Variants in MEI4 observed in about 807,000 individuals in gnomAD.
The protein encoded by MEI4 is meiotic double-stranded break formation protein 4, also known as meiosis-specific protein MEI4.
Under a neutral mutation model 31.4 loss-of-function variants are expected in MEI4, and 27 were observed. The observed-to-expected ratio is 0.86, with a 90% confidence interval of 0.63 to 1.19. The LOEUF is 1.19. MEI4 is among the 50% of genes most tolerant of loss of function. MEI4 has a pLI of 0.00. For missense variants in MEI4, 329 were observed against 398.9 expected (o/e 0.82, Z 1.49); for synonymous variants, 122 against 145.4 (o/e 0.84, Z 1.16).
chr6:77,829,257 C>G (rs1770024072), intron 4 of MEI4, among the ~76,000 whole-genome samples, 195 bp downstream of exon 4: 1 of 152,036 alleles, frequency 6.6e-6, no homozygotes, highest in African/African-American at 2.4e-5. Flanking sequence ...GAAAGTAAAA[C>G]CACTTTATAA....
At chr6:77,789,797 A>T (rs1768862984) in intron 3 of MEI4, among the ~76,000 whole-genome samples, 1 of 152,142 alleles carries the variant, frequency 6.6e-6, no homozygotes, top group Non-Finnish European at 1.5e-5. Flanking sequence ...ACACTTTTAC[A>T]CTGTTGGTGG....
Position 77,925,397 on chromosome 6 carries a change from A to G in MEI4, c.*2051A>G, listed in dbSNP as rs1358770237. On this transcript the variant is annotated 3_prime_UTR_variant, in exon 5 of 5. Coordinates refer to ENST00000684080, the MANE Select transcript of MEI4 (RefSeq NM_001322247.2). Reference sequence around the variant, plus strand: ...CTTTAATTATCCTGGGTTTCAGTCTATATCAGAGTGAATGGTGTAGTAAAT... The same window carrying G: ...CTTTAATTATCCTGGGTTTCAGTCTGTATCAGAGTGAATGGTGTAGTAAAT... 6.6e-6 allele frequency: 1 copy of G among 151,828 alleles called. No homozygotes were observed. Among genetic ancestry groups the G allele is most frequent in the Non-Finnish European group, 1.5e-5 (1 of 67,896 alleles). The allele number at this position is 151,828 out of a possible 1,614,324, so 9.4% of individuals were successfully genotyped here. A position where few individuals can be genotyped will look rare whatever the true frequency, so the allele number is the denominator to read the frequency against.
At chr6:77,842,048 A>G (rs1435120879) in intron 4 of MEI4, among the ~76,000 whole-genome samples, 2 of 152,178 alleles carry the variant, frequency 1.3e-5, no homozygotes, top group African/African-American at 4.8e-5. Context: ...AATCAGCAAT[A>G]TCTTAGAAAA....
At chr6:77,735,512 G>A (rs1167047675) in intron 2 of MEI4, among the ~76,000 whole-genome samples, 1 of 151,846 alleles carries the variant, frequency 6.6e-6, no homozygotes, top group East Asian at 1.9e-4. Context: ...TCTCTGTATT[G>A]GTTATTCTAG....
chr6:77,865,308 A>C (rs1306892878), intron 4 of MEI4, among the ~76,000 whole-genome samples: 1 of 151,350 alleles, frequency 6.6e-6, no homozygotes, highest in Non-Finnish European at 1.5e-5. Context: ...TTTTTTGAAA[A>C]TATCAAAATT....
chr6:77,888,221 A>G (rs938693699), intron 4 of MEI4, among the ~76,000 whole-genome samples: 2 of 152,144 alleles, frequency 1.3e-5, no homozygotes, highest in African/African-American at 2.4e-5. Context: ...CAGCCAGGCT[A>G]TATCTCCTAA....
intron 4 of MEI4, among the ~76,000 whole-genome samples, chr6:77,876,574 T>G (rs1158751202): frequency 6.6e-6 from 1 of 152,178 alleles, no homozygotes; most frequent in Non-Finnish European, 1.5e-5. Flanking sequence ...GGAAATGGAC[T>G]AAGGCAACTA....
intron 4 of MEI4, among the ~76,000 whole-genome samples, chr6:77,909,454 G>C (rs1259806742): frequency 6.6e-6 from 1 of 152,008 alleles, no homozygotes; most frequent in Non-Finnish European, 1.5e-5. Flanking sequence ...ACTAGAAAAT[G>C]TAAAAGAAAT....
Position 77,817,339 on chromosome 6 carries a change from G to A in MEI4, c.769-11592G>A, listed in dbSNP as rs556239440. On this transcript the variant is annotated intron_variant, in intron 3 of 4. Coordinates refer to ENST00000684080, the MANE Select transcript of MEI4 (RefSeq NM_001322247.2). The stretch of plus-strand genomic sequence containing the variant: ...GGTGAAGTTTCTTGAGTTGCGAGGA[G>A]CATCCTTGAGTTCAGGATCATCTGG... Among the ~76,000 whole-genome samples the A allele has an allele frequency of 7.9e-5, 12 of 152,256 alleles. No homozygotes were observed. The East Asian group carries it at 1.9e-3, about 24-fold the overall frequency.
In MEI4 at chr6:77,752,004, A is replaced by G. The variant is rs1236648098; in HGVS notation, c.233-9126A>G. ...AAACATAATCCATCACATAAACAGA[A>G]CCAATGACAAAAACCACATGATTAT... On this transcript the variant is annotated intron_variant, in intron 2 of 4. Coordinates refer to ENST00000684080, the MANE Select transcript of MEI4 (RefSeq NM_001322247.2). Among the ~76,000 whole-genome samples, 8 of 152,270 alleles carry G rather than the reference A, an allele frequency of 5.3e-5. No homozygotes were observed. The East Asian group carries it at 1.3e-3, about 26-fold the overall frequency.
intron 1 of MEI4, among the ~76,000 whole-genome samples, chr6:77,673,201 C>T (rs1404414620): frequency 2.0e-5 from 3 of 152,062 alleles, no homozygotes; most frequent in East Asian, 1.9e-4. Context: ...TAAGTGGTTT[C>T]CAAGACTCAT....
At chr6:77,806,128 T>C (rs1384445900) in intron 3 of MEI4, among the ~76,000 whole-genome samples, 1 of 152,156 alleles carries the variant, frequency 6.6e-6, no homozygotes. Context: ...GGAATAACTT[T>C]AGAACAGAGC....
rs70974681 is a variant in MEI4, at chr6:77,686,875, C to CTTTTT, written c.-14-3778_-14-3774dup. Among the ~76,000 whole-genome samples the CTTTTT allele has an allele frequency of 4.5e-5, 6 of 132,486 alleles. 1 individual carries two copies. The highest frequency in any genetic ancestry group is 1.6e-4 in the Admixed American group (2 of 12,644). The allele number at this position is 132,486 out of a possible 152,430, so 86.9% of individuals were successfully genotyped here. A position where few individuals can be genotyped will look rare whatever the true frequency, so the allele number is the denominator to read the frequency against. ...TCTTGAATAGGAATGGTCTGTGGCTCTTTTTTTTTGTAGATGTTTCATCAG... is the reference window on the plus strand; with the variant it reads ...TCTTGAATAGGAATGGTCTGTGGCTCTTTTTTTTTTTTTTGTAGATGTTTCATCAG... On this transcript the variant is annotated intron_variant, in intron 1 of 4. Coordinates refer to ENST00000684080, the MANE Select transcript of MEI4 (RefSeq NM_001322247.2).
chr6:77,732,312 G>C (rs1424145603), intron 2 of MEI4, among the ~76,000 whole-genome samples: 1 of 151,904 alleles, frequency 6.6e-6, no homozygotes, highest in Non-Finnish European at 1.5e-5. Flanking sequence ...CTTGAGCAGT[G>C]GTTTGAGGTT....
At chr6:77,758,663 T>G (rs1767969971) in intron 2 of MEI4, among the ~76,000 whole-genome samples, 1 of 152,166 alleles carries the variant, frequency 6.6e-6, no homozygotes, top group Non-Finnish European at 1.5e-5. Flanking sequence ...AGAAAAGTGT[T>G]TACTTTGGCA....
At chr6:77,745,879 A>C (rs1437192795) in intron 2 of MEI4, among the ~76,000 whole-genome samples, 1 of 152,240 alleles carries the variant, frequency 6.6e-6, no homozygotes, top group African/African-American at 2.4e-5. Flanking sequence ...TACTGGGTAC[A>C]TAATGAAATG....
chr6:77,760,830 T>C (rs149672580), intron 2 of MEI4, among the ~76,000 whole-genome samples: 39 of 152,254 alleles, frequency 2.6e-4, no homozygotes, highest in African/African-American at 9.1e-4. Context: ...CTCCTTCAGG[T>C]CTTGTGGCTT....
At chr6:77,745,418 A>G (rs1261922486) in intron 2 of MEI4, among the ~76,000 whole-genome samples, 1 of 152,224 alleles carries the variant, frequency 6.6e-6, no homozygotes, top group Non-Finnish European at 1.5e-5. Context: ...AAAAAGAGCT[A>G]ACTATCCTAA....
At chr6:77,734,235 T>A (rs1767108367) in intron 2 of MEI4, among the ~76,000 whole-genome samples, 1 of 152,026 alleles carries the variant, frequency 6.6e-6, no homozygotes, top group Non-Finnish European at 1.5e-5. Flanking sequence ...GGTGTTAACA[T>A]CTCCCATTAT....
Sources: gnomAD v4.1 joint callset for allele counts (sites outside exome capture counted in the v4.1 genomes callset) on GRCh38, gnomAD v4.1.1 for gene constraint, MANE v1.5 for transcripts, NCBI Gene and HGNC (gene_info 2026-07-23, HGNC 2026-07-21) for gene names.